RGS6: variants seen among roughly 807,000 people sequenced by gnomAD.
RGS6 encodes the protein regulator of G-protein signaling 6.
A neutral mutation model predicts 78.5 loss-of-function variants in RGS6; 30 were observed. The ratio of observed to expected loss-of-function variants is 0.38; its 90% CI spans 0.29 to 0.52. The LOEUF (loss-of-function observed/expected upper bound fraction) is 0.52. RGS6 is among the 20% of genes least tolerant of loss of function. RGS6 has a pLI of 0.85. For synonymous variants in RGS6, 206 were observed against 206.0 expected (o/e 1.00, Z 0.00); for missense variants, 495 against 609.7 (o/e 0.81, Z 1.98).
intron 2 of RGS6, among the ~76,000 whole-genome samples, chr14:72,226,965 G>A (rs891972008): frequency 2.6e-5 from 4 of 152,118 alleles, no homozygotes; most frequent in Admixed American, 6.5e-5. Context: ...GGCATTACAG[G>A]CGTGAGCCAC....
Position 72,564,903 on chromosome 14 carries a change from A to C in RGS6, c.*2436A>C, listed in dbSNP as rs1296146663. 6.6e-6 allele frequency: 1 copy of C among 152,364 alleles called. No homozygotes were observed. The highest frequency in any genetic ancestry group is 2.4e-5 in the African/African-American group (1 of 41,518). The allele number at this position is 152,364 out of a possible 1,614,324, so 9.4% of individuals were successfully genotyped here. ...TCAAACCCAGAGCAATAATACTCTC[A>C]CACCACCCCACAGCTAAGGCACTCA... On this transcript the variant is annotated 3_prime_UTR_variant, in exon 18 of 18. Transcript: ENST00000553525.
chr14:72,135,028 A>T (rs28410909), intron 2 of RGS6, among the ~76,000 whole-genome samples: 3 of 152,026 alleles, frequency 2.0e-5, no homozygotes, highest in Admixed American at 6.6e-5. Context: ...TTTAATAGAC[A>T]TTTGGGTATC....
At chr14:72,402,797 T>G (rs1267863091) in intron 3 of RGS6, among the ~76,000 whole-genome samples, 3 of 138,932 alleles carry the variant, frequency 2.2e-5, no homozygotes, top group South Asian at 5.0e-4. Context: ...TTGGTTTTTT[T>G]TTTTTTTTTT....
the RGS6 span, among the ~76,000 whole-genome samples, chr14:71,919,408 C>T: frequency 6.6e-6 from 1 of 152,158 alleles, no homozygotes; most frequent in Non-Finnish European, 1.5e-5. Flanking sequence ...TAGCACATCT[C>T]CTCTGGGGAT....
intron 3 of RGS6, among the ~76,000 whole-genome samples, chr14:72,407,125 G>A (rs1030926806): frequency 6.6e-5 from 10 of 152,148 alleles, no homozygotes; most frequent in African/African-American, 2.2e-4. Context: ...TGTATTGTAG[G>A]TTCTAATACC....
intron 14 of RGS6, 24 bp downstream of exon 14, chr14:72,510,303 G>A (rs2096862247): frequency 1.2e-5 from 19 of 1,613,906 alleles, no homozygotes; most frequent in Non-Finnish European, 1.6e-5. Flanking sequence ...AGTTTGAGCT[G>A]TGTGCGGAAT....
intron 2 of RGS6, among the ~76,000 whole-genome samples, chr14:72,001,471 AACACACACACACACAC>A (rs3053057): frequency 0.032 from 4,686 of 146,092 alleles, 104 homozygotes; most frequent in South Asian, 0.075. Flanking sequence ...ATAAAAACAG[AACACACACACACACAC>A]ACACACACAC....
At chr14:72,172,887 T>A (rs924712972) in intron 2 of RGS6, among the ~76,000 whole-genome samples, 1 of 152,088 alleles carries the variant, frequency 6.6e-6, no homozygotes, top group Non-Finnish European at 1.5e-5. Flanking sequence ...TGAGCTATGG[T>A]GACATTTCAG....
At chr14:72,113,763 A>C (rs2095825873) in intron 2 of RGS6, among the ~76,000 whole-genome samples, 1 of 152,148 alleles carries the variant, frequency 6.6e-6, no homozygotes, top group Admixed American at 6.5e-5. Context: ...CACATCTTTC[A>C]GGCTTAGACT....
At chr14:71,941,635 C>G (rs2090577657) in intron 1 of RGS6, among the ~76,000 whole-genome samples, 1 of 152,198 alleles carries the variant, frequency 6.6e-6, no homozygotes, top group Non-Finnish European at 1.5e-5. Flanking sequence ...AAGTATCTAG[C>G]ATGGGAGAAA....
chr14:72,113,546 G>A (rs1395023694), intron 2 of RGS6, among the ~76,000 whole-genome samples: 1 of 152,202 alleles, frequency 6.6e-6, no homozygotes, highest in Non-Finnish European at 1.5e-5. Flanking sequence ...TTATTTTATA[G>A]AAGGGTCTGA....
intron 2 of RGS6, among the ~76,000 whole-genome samples, chr14:71,984,310 A>C (rs1178039461): frequency 5.1e-4 from 57 of 110,946 alleles, no homozygotes; most frequent in Middle Eastern, 0.01. Flanking sequence ...AAAAAAAAAA[A>C]AAAAAAAAAA....
At chr14:72,251,686 A>C (rs2055823787) in intron 2 of RGS6, among the ~76,000 whole-genome samples, 1 of 152,198 alleles carries the variant, frequency 6.6e-6, no homozygotes. Flanking sequence ...AGATGGGAAC[A>C]ATCGACACCA....
chr14:72,560,107 A>AT (rs11446983), intron 17 of RGS6, among the ~76,000 whole-genome samples: 23,315 of 150,328 alleles, frequency 0.16, 2,314 homozygotes, highest in African/African-American at 0.28. Flanking sequence ...AGCTTGAGTG[A>AT]TTTTTTTTTT....
At chr14:72,050,755 T>A (rs1318511654) in intron 2 of RGS6, among the ~76,000 whole-genome samples, 1 of 152,168 alleles carries the variant, frequency 6.6e-6, no homozygotes, top group Non-Finnish European at 1.5e-5. Context: ...AAACCAAACA[T>A]GAATTGAAAA....
At position 72,230,984 on chromosome 14, in the gene RGS6, A is replaced by AT. The variant is rs1222624688; in HGVS notation, c.85-121106dup. Among the ~76,000 whole-genome samples, 23 of 152,210 alleles carry AT rather than the reference A, an allele frequency of 1.5e-4. 1 individual carries two copies. The East Asian group carries it at 4.4e-3, about 29-fold the overall frequency. ...CAGTCTGCATGACACTAGATGATCT[A>AT]TTTTTCCTCTTCAGTTCCACAGAGA... On this transcript the variant is annotated intron_variant, in intron 2 of 17. Coordinates refer to ENST00000553525, the MANE Select transcript of RGS6 (RefSeq NM_001204424.2).
chr14:72,440,343 T>G (rs2095137632), intron 3 of RGS6, among the ~76,000 whole-genome samples: 2 of 152,114 alleles, frequency 1.3e-5, no homozygotes, highest in Admixed American at 1.3e-4. Flanking sequence ...AGCAGGCAGT[T>G]AAGATTATTT....
In RGS6 at chr14:72,349,562, GT is replaced by G. The variant is rs2078731476; in HGVS notation, c.85-2531del. Among the ~76,000 whole-genome samples the G allele has an allele frequency of 2.6e-5, 4 of 152,344 alleles. No homozygotes were observed. In the South Asian group the frequency reaches 8.3e-4, roughly 32 times the overall value. Reference sequence around the variant, plus strand: ...TAATTCCTTCTTCCACACCTGTGATGTTGCAGACTGTTGCTGGAGTGTAGTC... The same window carrying G: ...TAATTCCTTCTTCCACACCTGTGATGTGCAGACTGTTGCTGGAGTGTAGTC... On this transcript the variant is annotated intron_variant, in intron 2 of 17. Coordinates refer to ENST00000553525, the MANE Select transcript of RGS6 (RefSeq NM_001204424.2).
At chr14:72,408,894 T>C (rs537728673) in intron 3 of RGS6, among the ~76,000 whole-genome samples, 1 of 152,338 alleles carries the variant, frequency 6.6e-6, no homozygotes, top group East Asian at 1.9e-4. Flanking sequence ...GGGACACACC[T>C]TGCTGGATGA....
Sources: gnomAD v4.1 joint callset for allele counts (sites outside exome capture counted in the v4.1 genomes callset) on GRCh38, gnomAD v4.1.1 for gene constraint, MANE v1.5 for transcripts, NCBI Gene and HGNC (gene_info 2026-07-23, HGNC 2026-07-21) for gene names.